Variants in NREP observed in about 807,000 individuals in gnomAD.
NREP encodes neuronal regeneration related protein.
In NREP, 5 loss-of-function variants were observed where a neutral mutation model predicts 8.6. The observed-to-expected ratio is 0.58, with a 90% confidence interval of 0.30 to 1.22. The LOEUF is 1.22. NREP is among the 50% of genes most tolerant of loss of function. The pLI, the probability that NREP is intolerant of heterozygous loss-of-function variation, is 0.07. For synonymous variants in NREP, 27 were observed against 28.0 expected, an observed-to-expected ratio of 0.96 and a Z score of 0.11; for missense variants, 86 against 82.5, an observed-to-expected ratio of 1.04 and a Z score of -0.17.
At chr5:111,923,342 A>G (rs772474686) in intron 2 of NREP, among the ~76,000 whole-genome samples, 2 of 152,036 alleles carry the variant, frequency 1.3e-5, no homozygotes, top group Non-Finnish European at 2.9e-5. Flanking sequence ...TCCAGTCTGG[A>G]TTTTCTAGGG....
chr5:111,885,483 T>C (rs1256844001), intron 2 of NREP, among the ~76,000 whole-genome samples: 3 of 152,074 alleles, frequency 2.0e-5, no homozygotes, highest in South Asian at 2.1e-4. Flanking sequence ...TACTTTAAAG[T>C]TCATATGGAA....
chr5:111,921,028 G>C (rs1755224056), intron 2 of NREP, among the ~76,000 whole-genome samples: 1 of 152,110 alleles, frequency 6.6e-6, no homozygotes. Flanking sequence ...GTTGCTCTTT[G>C]CTGAAAGAGA....
chr5:111,892,835 A>G (rs1240058772), intron 2 of NREP, among the ~76,000 whole-genome samples: 1 of 152,178 alleles, frequency 6.6e-6, no homozygotes, highest in Non-Finnish European at 1.5e-5. Flanking sequence ...AAACCCTACG[A>G]AAATTTGGGT....
chr5:111,850,188 T>C (rs1753274363), intron 2 of NREP, among the ~76,000 whole-genome samples: 1 of 152,198 alleles, frequency 6.6e-6, no homozygotes, highest in Admixed American at 6.6e-5. Flanking sequence ...TCTTTGTCCT[T>C]TAGCCACTAT....
At chr5:111,870,170 C>T (rs1418558869) in intron 2 of NREP, among the ~76,000 whole-genome samples, 1 of 152,166 alleles carries the variant, frequency 6.6e-6, no homozygotes, top group Non-Finnish European at 1.5e-5. Flanking sequence ...TGGCTCATGC[C>T]TGTAAACCCA....
chr5:111,820,367 C>T (rs1752489007), intron 2 of NREP, among the ~76,000 whole-genome samples: 1 of 152,180 alleles, frequency 6.6e-6, no homozygotes, highest in African/African-American at 2.4e-5. Context: ...AAAAGCTTCA[C>T]AAGTATTGAT....
At chr5:111,805,170 G>A (rs1163622115) in intron 2 of NREP, among the ~76,000 whole-genome samples, 1 of 152,224 alleles carries the variant, frequency 6.6e-6, no homozygotes, top group Admixed American at 6.5e-5. Flanking sequence ...CACCTGTCAA[G>A]TTGGTAAAAC....
At chr5:111,923,268 A>G (rs966956722) in intron 2 of NREP, among the ~76,000 whole-genome samples, 3 of 152,180 alleles carry the variant, frequency 2.0e-5, no homozygotes, top group African/African-American at 7.2e-5. Context: ...ATTCAGGGTG[A>G]CTACTGCATA....
chr5:111,907,058 T>C (rs1754795607), intron 2 of NREP, among the ~76,000 whole-genome samples: 1 of 152,028 alleles, frequency 6.6e-6, no homozygotes, highest in Non-Finnish European at 1.5e-5. Flanking sequence ...GCATGAGCCA[T>C]CACACCCAGC....
intron 2 of NREP, among the ~76,000 whole-genome samples, chr5:111,837,261 A>T (rs1179188634): frequency 5.3e-5 from 8 of 152,036 alleles, no homozygotes; most frequent in Non-Finnish European, 1.2e-4. Context: ...CAGGTAGGGA[A>T]GATACAAGGT....
chr5:111,881,049 G>C lies in NREP; in HGVS notation c.135+94225C>G, dbSNP rs879577134. 4.9e-4 allele frequency among the ~76,000 whole-genome samples: 74 copies of C among 152,354 alleles called. 1 individual carries two copies. The highest frequency in any genetic ancestry group is 4.4e-4 in the Non-Finnish European group (30 of 68,028). Reference sequence around the variant, plus strand: ...ATTGCCTCACTCGGGAAGCGTAAGAGATCAGGGAATTCCCTTTCCTAGTCA... The same window carrying C: ...ATTGCCTCACTCGGGAAGCGTAAGACATCAGGGAATTCCCTTTCCTAGTCA... On this transcript the variant is annotated intron_variant, in intron 2 of 3. Coordinates refer to the NREP transcript ENST00000395634.
intron 2 of NREP, among the ~76,000 whole-genome samples, chr5:111,868,648 C>T (rs1018656519): frequency 2.0e-5 from 3 of 152,164 alleles, no homozygotes; most frequent in Admixed American, 1.3e-4. Context: ...TCTGAGTTTA[C>T]TACAGCACTT....
At chr5:111,809,884 T>C (rs1028566161) in intron 2 of NREP, among the ~76,000 whole-genome samples, 38 of 148,784 alleles carry the variant, frequency 2.6e-4, no homozygotes, top group African/African-American at 8.1e-4. Context: ...TGTGTGTGTG[T>C]GTGTGTGTGT....
At chr5:111,814,677 A>C (rs1206576552) in intron 2 of NREP, among the ~76,000 whole-genome samples, 2 of 152,168 alleles carry the variant, frequency 1.3e-5, no homozygotes, top group African/African-American at 2.4e-5. Context: ...TAAAATAAAA[A>C]ATTCCCTCAC....
chr5:111,870,548 T>C (rs568649693), intron 2 of NREP, among the ~76,000 whole-genome samples: 1 of 152,328 alleles, frequency 6.6e-6, no homozygotes, highest in East Asian at 1.9e-4. Flanking sequence ...AGGTCTTCGG[T>C]ATGTCTGGAT....
At chr5:111,974,738 T>G (rs1370358438) in intron 2 of NREP, among the ~76,000 whole-genome samples, 1 of 152,090 alleles carries the variant, frequency 6.6e-6, no homozygotes, top group African/African-American at 2.4e-5. Flanking sequence ...CTAAAATGAG[T>G]TATTATATTT....
At chr5:111,854,940 T>A (rs1753392774) in intron 2 of NREP, among the ~76,000 whole-genome samples, 4 of 152,226 alleles carry the variant, frequency 2.6e-5, no homozygotes, top group Admixed American at 2.6e-4. Flanking sequence ...AATAGCTATG[T>A]ACTATTCCAT....
intron 2 of NREP, among the ~76,000 whole-genome samples, chr5:111,793,895 T>TA (rs568983246): frequency 2.1e-4 from 32 of 151,532 alleles, no homozygotes; most frequent in African/African-American, 7.3e-4. Flanking sequence ...CCTGTCTTTA[T>TA]AAAAAAAAAT....
In NREP at chr5:111,949,155, C is replaced by T. The variant is rs537046249; in HGVS notation, c.135+26119G>A. Among the ~76,000 whole-genome samples the T allele has an allele frequency of 2.2e-3, 329 of 152,116 alleles. 1 individual carries two copies. The highest frequency in any genetic ancestry group is 3.1e-3 in the Non-Finnish European group (212 of 67,946). ...CAATCACAAATAATAATCCTGCTGG[C>T]CAACCAAGGCAATTAAAGCATATTT... is the stretch of plus-strand genomic sequence containing the variant. On this transcript the variant is annotated intron_variant, in intron 2 of 3. Transcript: ENST00000395634.
Sources: allele counts gnomAD v4.1 joint callset (sites outside exome capture counted in the v4.1 genomes callset), GRCh38; gene constraint gnomAD v4.1.1; transcripts MANE v1.5; gene names NCBI Gene and HGNC (gene_info 2026-07-23, HGNC 2026-07-21).